Variants in EPHA10 observed in about 807,000 individuals in gnomAD.
EPHA10 encodes the protein EPH receptor A10.
In EPHA10, 120 loss-of-function variants were observed where a neutral mutation model predicts 109.7. That is an observed-to-expected ratio of 1.09 (90% CI 0.94 to 1.27). EPHA10 has a LOEUF of 1.27. Among genes scored for constraint, EPHA10 ranks in the 50% most tolerant of loss-of-function variants. EPHA10 has a pLI of 0.00. For missense variants in EPHA10, 1,396 were observed against 1,411.1 expected (o/e 0.99, Z 0.17); for synonymous variants, 640 against 618.9 (o/e 1.03, Z -0.51).
intron 5 of EPHA10, among the ~76,000 whole-genome samples, chr1:37,740,357 G>A (rs1646134946): frequency 6.6e-6 from 1 of 152,076 alleles, no homozygotes; most frequent in Non-Finnish European, 1.5e-5. Flanking sequence ...CCAGGCTGGA[G>A]AGCAGGGGCG....
At chr1:37,736,578 C>T (rs1484170323) in intron 5 of EPHA10, among the ~76,000 whole-genome samples, 3 of 150,364 alleles carry the variant, frequency 2.0e-5, no homozygotes, top group South Asian at 2.1e-4. Context: ...CATGGTGGTG[C>T]GCGCCTGTAG....
intron 7 of EPHA10, among the ~76,000 whole-genome samples, chr1:37,728,242 G>A (rs1645926343): frequency 6.6e-6 from 1 of 152,124 alleles, no homozygotes; most frequent in South Asian, 2.1e-4. Context: ...GCTGGAGGGT[G>A]GGAAGATGGA....
chr1:37,734,699 A>C (rs1175276884), intron 6 of EPHA10: 1 of 451,280 alleles, frequency 2.2e-6, no homozygotes, highest in Non-Finnish European at 4.4e-6. Context: ...TATGGGGATC[A>C]ATTGGCCATA....
downstream of EPHA10, chr1:37,714,766 G>A (rs1217021504): frequency 6.6e-6 from 1 of 152,314 alleles, no homozygotes; most frequent in Non-Finnish European, 1.5e-5. Flanking sequence ...GTGGGAAGAT[G>A]GCCACAGGCA....
Position 37,762,089 on chromosome 1 carries a change from G to C in EPHA10, c.172-6C>G. 1.3e-6 allele frequency: 2 copies of C among 1,573,980 alleles called. No homozygotes were observed. Among genetic ancestry groups the C allele is most frequent in the Middle Eastern group, 3.5e-4 (2 of 5,714 alleles). ...ACGCCGCTGATCTCCTCCCACTGGG[G>C]ACAAGAGTAAAGGGGTGGGCAGCCC... On this transcript the variant is annotated splice_region_variant and splice_polypyrimidine_tract_variant and intron_variant, in intron 2 of 16. Transcript: ENST00000373048.
At chr1:37,760,222 G>A (rs931257801) in intron 3 of EPHA10, 2 of 971,174 alleles carry the variant, frequency 2.1e-6, no homozygotes, top group Admixed American at 1.2e-4. Context: ...TGAGAGCTAG[G>A]ACTATGTCTG....
At chr1:37,741,301 A>G (rs997158929) in intron 5 of EPHA10, among the ~76,000 whole-genome samples, 8 of 152,220 alleles carry the variant, frequency 5.3e-5, no homozygotes, top group African/African-American at 1.9e-4. Flanking sequence ...TAAGATGATG[A>G]TTCAAACTTC....
chr1:37,751,211 AAAAAAAGAAAG>A (rs1433237041), intron 5 of EPHA10, among the ~76,000 whole-genome samples: 2 of 125,022 alleles, frequency 1.6e-5, no homozygotes, highest in Non-Finnish European at 3.4e-5. Flanking sequence ...CAAAAAAAAA[AAAAAAAGAAAG>A]AAAGAAAGAA....
At chr1:37,742,824 A>G (rs140935821) in intron 5 of EPHA10, among the ~76,000 whole-genome samples, 2 of 152,186 alleles carry the variant, frequency 1.3e-5, no homozygotes, top group East Asian at 3.9e-4. Context: ...CGTCTCTACA[A>G]AACAATTTAA....
rs1645692950 is a variant in EPHA10, at chr1:37,716,485, CA to C, written c.*1886del. Reference sequence around the variant, plus strand: ...CCCCCAACCCTGACTAAGGTGGTAGCAACATCTTGGTCTCCCCAGTACCCCC... The same window carrying C: ...CCCCCAACCCTGACTAAGGTGGTAGCACATCTTGGTCTCCCCAGTACCCCC... On this transcript the variant is annotated 3_prime_UTR_variant, in exon 17 of 17. Coordinates refer to ENST00000373048, the MANE Select transcript of EPHA10 (RefSeq NM_001099439.2). 4.3e-6 allele frequency: 1 copy of C among 232,964 alleles called. No homozygotes were observed. Among genetic ancestry groups the C allele is most frequent in the African/African-American group, 2.2e-5 (1 of 45,280 alleles). 14.4% of individuals were successfully genotyped at this position (232,964 alleles called of 1,614,324 possible). A position where few individuals can be genotyped will look rare whatever the true frequency, so the allele number is the denominator to read the frequency against.
chr1:37,747,785 T>A (rs1218218784), intron 5 of EPHA10, among the ~76,000 whole-genome samples: 2 of 151,274 alleles, frequency 1.3e-5, no homozygotes, highest in Non-Finnish European at 2.9e-5. Flanking sequence ...ATAATAATAA[T>A]AAATCATAAA....
At chr1:37,715,311 T>C (rs1190787923), downstream of EPHA10, among the ~76,000 whole-genome samples, 1 of 152,168 alleles carries the variant, frequency 6.6e-6, no homozygotes, top group Non-Finnish European at 1.5e-5. Context: ...ATTACAGGCA[T>C]GAGCCACCGA....
chr1:37,763,107 G>A (rs116421639), intron 1 of EPHA10, among the ~76,000 whole-genome samples: 103 of 152,300 alleles, frequency 6.8e-4, no homozygotes, highest in African/African-American at 2.4e-3. Flanking sequence ...CACAAATTTA[G>A]TGGCTTAAAA....
At chr1:37,756,991 G>A (rs1161559276) in intron 3 of EPHA10, among the ~76,000 whole-genome samples, 2 of 152,092 alleles carry the variant, frequency 1.3e-5, no homozygotes, top group Non-Finnish European at 2.9e-5. Flanking sequence ...AACCATGCCT[G>A]GCTAATTTTT....
In EPHA10 at chr1:37,721,824, C is replaced by T; in HGVS notation, c.1982G>A (p.Cys661Tyr). Reference protein sequence around the residue: ...LGGGRFGELCCGCLQLPGRQE... With the variant: ...LGGGRFGELCYGCLQLPGRQE... Reference sequence around the variant, plus strand: ...GCGACCGGGGAGCTGCAAGCAGCCACAGCACAGCTCCCCAAACCGCCCTGT... The same window carrying T: ...GCGACCGGGGAGCTGCAAGCAGCCATAGCACAGCTCCCCAAACCGCCCTGT... The change falls in exon 11 of 17, where the codon TGT (cysteine) becomes TAT (tyrosine). Residue 661 changes from cysteine (C) to tyrosine (Y), a missense_variant. Cys to Tyr is a radical substitution (Grantham distance 194). Coordinates refer to ENST00000373048, the MANE Select transcript of EPHA10 (RefSeq NM_001099439.2). 1 of 1,604,222 alleles carries T rather than the reference C, an allele frequency of 6.2e-7. No homozygotes were observed. Among genetic ancestry groups the T allele is most frequent in the Non-Finnish European group, 8.5e-7 (1 of 1,174,632 alleles).
intron 13 of EPHA10, 60 bp downstream of exon 13, chr1:37,720,291 T>C: frequency 6.5e-7 from 1 of 1,527,416 alleles, no homozygotes; most frequent in Non-Finnish European, 8.8e-7. Context: ...AGTTAAGGGC[T>C]CCAGGGCAGC....
intron 5 of EPHA10, among the ~76,000 whole-genome samples, chr1:37,742,489 C>CT (rs1367678133): frequency 1.3e-5 from 2 of 152,190 alleles, no homozygotes; most frequent in African/African-American, 4.8e-5. Flanking sequence ...AGAAACAGTT[C>CT]TTTTTCTGCC....
chr1:37,723,031 C>A lies in EPHA10; in HGVS notation c.1960+10G>T. On this transcript the variant is annotated intron_variant, in intron 10 of 16. Coordinates refer to ENST00000373048, the MANE Select transcript of EPHA10 (RefSeq NM_001099439.2). ...AGATGGGGACAAGGCTTCCTGGGCG[C>A]CCAGCTTGCCTCCTCCAAGGCTCCT... 1 of 1,614,052 alleles carries A rather than the reference C, an allele frequency of 6.2e-7. No homozygotes were observed. The highest frequency in any genetic ancestry group is 8.5e-7 in the Non-Finnish European group (1 of 1,180,024).
At chr1:37,719,368 C>T in intron 15 of EPHA10, 46 bp downstream of exon 15, 1 of 1,593,924 alleles carries the variant, frequency 6.3e-7, no homozygotes, top group Non-Finnish European at 8.6e-7. Flanking sequence ...GCAGGGAGGC[C>T]CTCCACGGAC....
Sources: gnomAD v4.1 joint callset for allele counts (sites outside exome capture counted in the v4.1 genomes callset) on GRCh38, gnomAD v4.1.1 for gene constraint, MANE v1.5 for transcripts, NCBI Gene and HGNC (gene_info 2026-07-23, HGNC 2026-07-21) for gene names.